Variants in CNTLN observed in about 807,000 individuals in gnomAD.
The protein encoded by CNTLN is centlein, centrosomal protein.
A neutral mutation model predicts 180.0 loss-of-function variants in CNTLN; 212 were observed. The ratio of observed to expected loss-of-function variants is 1.18; its 90% CI spans 1.05 to 1.32. The LOEUF (loss-of-function observed/expected upper bound fraction) is 1.32, where lower values mean the gene tolerates loss of function less well. Ranked by LOEUF, CNTLN falls within the 40% of genes most tolerant of loss-of-function variation. The pLI is 0.00. For missense variants in CNTLN, 2,095 were observed against 1,610.9 expected, an observed-to-expected ratio of 1.30 and a Z score of -5.14; for synonymous variants, 722 against 563.1, an observed-to-expected ratio of 1.28 and a Z score of -3.99.
intron 6 of CNTLN, among the ~76,000 whole-genome samples, chr9:17,293,015 G>A (rs1829516292): frequency 1.3e-5 from 2 of 152,140 alleles, no homozygotes; most frequent in South Asian, 4.1e-4. Flanking sequence ...TGACATTCAG[G>A]CCCCTCTTCC....
intron 12 of CNTLN, among the ~76,000 whole-genome samples, chr9:17,344,247 A>T (rs2133231603): frequency 6.6e-6 from 1 of 152,274 alleles, no homozygotes; most frequent in East Asian, 1.9e-4. Flanking sequence ...ACTTAGCAAT[A>T]TTTGCACTTT....
At chr9:17,282,206 C>G (rs1002396047) in intron 6 of CNTLN, among the ~76,000 whole-genome samples, 15 of 152,066 alleles carry the variant, frequency 9.9e-5, no homozygotes, top group African/African-American at 3.4e-4. Flanking sequence ...TGTGATCTAC[C>G]CACCTCAGCC....
intron 7 of CNTLN, chr9:17,302,105 CACACACACACACACAG>C (rs757500096): frequency 0.02 from 16,437 of 811,014 alleles, 38 homozygotes; most frequent in Middle Eastern, 0.041. Context: ...CACACACACA[CACACACACACACACAG>C]ACACACACAC....
chr9:17,186,888 AT>A (rs1344758316), intron 2 of CNTLN, among the ~76,000 whole-genome samples: 1 of 151,924 alleles, frequency 6.6e-6, no homozygotes, highest in African/African-American at 2.4e-5. Flanking sequence ...TACCTACTTA[AT>A]TTTTTATATG....
intron 12 of CNTLN, among the ~76,000 whole-genome samples, chr9:17,363,053 A>C (rs1823532355): frequency 6.6e-6 from 1 of 152,228 alleles, no homozygotes; most frequent in Non-Finnish European, 1.5e-5. Flanking sequence ...TGTCCCTGCA[A>C]AGGACATGAA....
chr9:17,412,097 G>A (rs1827889842), intron 16 of CNTLN, among the ~76,000 whole-genome samples: 1 of 151,664 alleles, frequency 6.6e-6, no homozygotes, highest in African/African-American at 2.4e-5. Context: ...AGCCATGATG[G>A]TATCAGCAGA....
At chr9:17,523,810 A>C in the CNTLN span, among the ~76,000 whole-genome samples, 1 of 152,188 alleles carries the variant, frequency 6.6e-6, no homozygotes, top group Non-Finnish European at 1.5e-5. Context: ...GACCCCGTAA[A>C]GAAGCTTGGT....
chr9:17,258,413 A>C (rs570529219), intron 5 of CNTLN, among the ~76,000 whole-genome samples: 247 of 151,410 alleles, frequency 1.6e-3, no homozygotes, highest in Non-Finnish European at 2.7e-3. Context: ...AGGTATCATG[A>C]TGCCTTCAGC....
chr9:17,480,676 T>TGGTGTAATATAAC (rs2134292169), intron 23 of CNTLN, among the ~76,000 whole-genome samples: 1 of 152,296 alleles, frequency 6.6e-6, no homozygotes, highest in East Asian at 1.9e-4. Flanking sequence ...GCCTCGAATA[T>TGGTGTAATATAAC]GGTGTAATAT....
At chr9:17,260,915 A>G (rs1377471872) in intron 5 of CNTLN, among the ~76,000 whole-genome samples, 3 of 151,414 alleles carry the variant, frequency 2.0e-5, no homozygotes, top group East Asian at 1.9e-4. Flanking sequence ...TCTCAGCACC[A>G]TTTATTGAAT....
chr9:17,525,447 T>C, the CNTLN span, among the ~76,000 whole-genome samples: 2 of 152,290 alleles, frequency 1.3e-5, no homozygotes, highest in Admixed American at 1.3e-4. Flanking sequence ...TTGGCATGAT[T>C]CAGAGTTTTT....
At chr9:17,371,397 G>T (rs1386024138) in intron 13 of CNTLN, among the ~76,000 whole-genome samples, 1 of 152,088 alleles carries the variant, frequency 6.6e-6, no homozygotes, top group African/African-American at 2.4e-5. Context: ...TGATAAAGGT[G>T]TCAATTTAGT....
intron 8 of CNTLN, among the ~76,000 whole-genome samples, chr9:17,325,400 G>C (rs867426957): frequency 6.7e-6 from 1 of 148,976 alleles, no homozygotes; most frequent in East Asian, 2.0e-4. Context: ...GTGTGTGTGT[G>C]TGTGTGTGTG....
At chr9:17,514,633 C>G in the CNTLN span, among the ~76,000 whole-genome samples, 1 of 152,012 alleles carries the variant, frequency 6.6e-6, no homozygotes, top group Admixed American at 6.6e-5. Flanking sequence ...TTAGTTTATT[C>G]AAAAAACAGC....
At chr9:17,285,396 G>A (rs1370969240) in intron 6 of CNTLN, among the ~76,000 whole-genome samples, 1 of 148,372 alleles carries the variant, frequency 6.7e-6, no homozygotes, top group Non-Finnish European at 1.5e-5. Flanking sequence ...TCTTAATCCA[G>A]TCTATCATTG....
At chr9:17,297,829 C>A (rs1365405434) in intron 6 of CNTLN, among the ~76,000 whole-genome samples, 5 of 152,138 alleles carry the variant, frequency 3.3e-5, no homozygotes, top group Non-Finnish European at 7.3e-5. Flanking sequence ...GGTTGACGTA[C>A]CCTTTGTTCA....
At chr9:17,453,923 A>G (rs1384367211) in intron 18 of CNTLN, among the ~76,000 whole-genome samples, 1 of 152,186 alleles carries the variant, frequency 6.6e-6, no homozygotes, top group Non-Finnish European at 1.5e-5. Context: ...GGACCAGAGA[A>G]GAAAAGCTTG....
At chr9:17,188,654 A>G (rs1388008500) in intron 2 of CNTLN, among the ~76,000 whole-genome samples, 2 of 152,050 alleles carry the variant, frequency 1.3e-5, no homozygotes, top group Middle Eastern at 3.2e-3. Flanking sequence ...AAGTTTTCTG[A>G]TATTTTCTTC....
chr9:17,388,878 G>A (rs1396598345), intron 14 of CNTLN, among the ~76,000 whole-genome samples: 1 of 151,348 alleles, frequency 6.6e-6, no homozygotes, highest in African/African-American at 2.4e-5. Flanking sequence ...TACTTAATTT[G>A]CATTTTTATA....
Sources: gnomAD v4.1 joint callset for allele counts (sites outside exome capture counted in the v4.1 genomes callset) on GRCh38, gnomAD v4.1.1 for gene constraint, MANE v1.5 for transcripts, NCBI Gene and HGNC (gene_info 2026-07-23, HGNC 2026-07-21) for gene names.